Variants in ARHGAP6 observed in about 807,000 individuals in gnomAD.
The protein encoded by ARHGAP6 is Rho GTPase activating protein 6.
Under a neutral mutation model 55.7 loss-of-function variants are expected in ARHGAP6, and 16 were observed. That is an observed-to-expected ratio of 0.29 (90% CI 0.19 to 0.44). The LOEUF (loss-of-function observed/expected upper bound fraction) is 0.44. Ranked by LOEUF, ARHGAP6 falls within the 20% of genes least tolerant of loss-of-function variation. ARHGAP6 has a pLI of 1.00. For missense variants in ARHGAP6, 698 were observed against 808.9 expected, an observed-to-expected ratio of 0.86 and a Z score of 1.66; for synonymous variants, 382 against 360.9, an observed-to-expected ratio of 1.06 and a Z score of -0.66.
At chrX:11,389,876 G>C (rs2049381062) in intron 1 of ARHGAP6, among the ~76,000 whole-genome samples, 1 of 111,765 alleles carries the variant, frequency 8.9e-6, no homozygotes, top group Admixed American at 9.5e-5. Flanking sequence ...AACTTATCAT[G>C]CATCCCAGTC....
chrX:11,505,168 T>C (rs908121096), intron 1 of ARHGAP6, among the ~76,000 whole-genome samples: 1 of 110,887 alleles, frequency 9.0e-6, no homozygotes, highest in Non-Finnish European at 1.9e-5. Context: ...GAGCTCCCGT[T>C]TGGCTCTCTG....
In ARHGAP6 at chrX:11,261,250, G is replaced by A. The variant is rs754620142; in HGVS notation, c.589-6543C>T. Among the ~76,000 whole-genome samples the A allele has an allele frequency of 2.7e-4, 30 of 111,412 alleles. 1 individual carries two copies. Among genetic ancestry groups the A allele is most frequent in the African/African-American group, 8.8e-4 (27 of 30,684 alleles). ...GAAAATAAATGTGATAATAGGTGACGCGGGGAAGAGTTAATCCGTGATACC... is the reference window on the plus strand; with the variant it reads ...GAAAATAAATGTGATAATAGGTGACACGGGGAAGAGTTAATCCGTGATACC... On this transcript the variant is annotated intron_variant, in intron 1 of 12. Transcript: ENST00000337414.
At chrX:11,144,366 A>G in intron 10 of ARHGAP6, 118 bp from the exon 11 acceptor site, 1 of 983,512 alleles carries the variant, frequency 1.0e-6, no homozygotes, top group South Asian at 2.1e-5. Context: ...GGCTGAAACA[A>G]AAAGACCATT....
intron 1 of ARHGAP6, among the ~76,000 whole-genome samples, chrX:11,336,960 G>C (rs144798869): frequency 1.8e-5 from 2 of 110,827 alleles, no homozygotes; most frequent in Non-Finnish European, 3.8e-5. Context: ...GACGTACACC[G>C]GGTCAGTTTA....
chrX:11,572,141 A>G (rs2051526997), intron 1 of ARHGAP6, among the ~76,000 whole-genome samples: 1 of 111,843 alleles, frequency 8.9e-6, no homozygotes, highest in Non-Finnish European at 1.9e-5. Context: ...TTGTACTATC[A>G]GGATAATCAA....
intron 10 of ARHGAP6, among the ~76,000 whole-genome samples, chrX:11,151,287 C>G (rs2045772969): frequency 9.6e-6 from 1 of 103,662 alleles, no homozygotes; most frequent in African/African-American, 3.6e-5. Flanking sequence ...CCCCTAGAGA[C>G]AAGGTCTCAC....
chrX:11,231,384 C>G (rs1346507623), intron 2 of ARHGAP6, among the ~76,000 whole-genome samples: 1 of 112,310 alleles, frequency 8.9e-6, no homozygotes, highest in Non-Finnish European at 1.9e-5. Context: ...CAGTGATGTA[C>G]TGAACAAAAT....
intron 1 of ARHGAP6, among the ~76,000 whole-genome samples, chrX:11,463,666 C>G (rs984430982): frequency 3.6e-5 from 4 of 111,847 alleles, no homozygotes; most frequent in Non-Finnish European, 7.5e-5. Context: ...TGATTACATG[C>G]TACATTGCAC....
At chrX:11,617,110 G>A (rs1212175088) in intron 1 of ARHGAP6, among the ~76,000 whole-genome samples, 1 of 112,084 alleles carries the variant, frequency 8.9e-6, no homozygotes, top group Non-Finnish European at 1.9e-5. Flanking sequence ...TGCTGTAGGT[G>A]TAAAATACAT....
At position 11,411,183 on chromosome X, in the gene ARHGAP6, T is replaced by TTTTA. The variant is rs1196355643; in HGVS notation, c.589-156477_589-156476insTAAA. On this transcript the variant is annotated intron_variant, in intron 1 of 12. Coordinates refer to ENST00000337414, the MANE Select transcript of ARHGAP6 (RefSeq NM_013427.3). ...GGCCTGTGTCACTGGCAGACATTAT[T>TTTTA]TATATATATATATATATATATATAT... Among the ~76,000 whole-genome samples, 17 of 31,791 alleles carry TTTTA rather than the reference T, an allele frequency of 5.3e-4. 1 individual carries two copies. Among genetic ancestry groups the TTTTA allele is most frequent in the Admixed American group, 1.2e-3 (2 of 1,653 alleles). 27.6% of individuals were successfully genotyped at this position (31,791 alleles called of 115,157 possible). A position where few individuals can be genotyped will look rare whatever the true frequency, so the allele number is the denominator to read the frequency against.
chrX:11,243,083 T>C (rs1569270330), intron 2 of ARHGAP6, among the ~76,000 whole-genome samples: 1 of 110,296 alleles, frequency 9.1e-6, no homozygotes, highest in Non-Finnish European at 1.9e-5. Flanking sequence ...TTTATTGTGC[T>C]GTAGGTATGT....
chrX:11,602,850 T>C (rs2051993424), intron 1 of ARHGAP6, among the ~76,000 whole-genome samples: 1 of 112,478 alleles, frequency 8.9e-6, no homozygotes, highest in Admixed American at 9.4e-5. Flanking sequence ...GGCACTTACA[T>C]GCAAGCATTA....
intron 1 of ARHGAP6, among the ~76,000 whole-genome samples, chrX:11,547,191 T>C (rs2051220117): frequency 8.9e-6 from 1 of 112,617 alleles, no homozygotes. Context: ...GGGAAGAATG[T>C]GCTAGATTCT....
At chrX:11,322,215 C>T (rs2048441238) in intron 1 of ARHGAP6, among the ~76,000 whole-genome samples, 1 of 111,813 alleles carries the variant, frequency 8.9e-6, no homozygotes, top group Non-Finnish European at 1.9e-5. Context: ...GTGGGTGTTG[C>T]TGTCCTCTAA....
intron 4 of ARHGAP6, 74 bp from the exon 5 acceptor site, chrX:11,186,505 A>C: frequency 9.1e-6 from 7 of 765,658 alleles, no homozygotes; most frequent in Non-Finnish European, 1.3e-5. Context: ...ATGCTAACCA[A>C]TACATACTTT....
chrX:11,609,549 G>A (rs2052077903), intron 1 of ARHGAP6, among the ~76,000 whole-genome samples: 1 of 112,031 alleles, frequency 8.9e-6, no homozygotes, highest in Non-Finnish European at 1.9e-5. Context: ...AAGCCCTCAG[G>A]CAGAGTTTAA....
chrX:11,622,086 T>C (rs746814947), intron 1 of ARHGAP6, among the ~76,000 whole-genome samples: 1 of 111,867 alleles, frequency 8.9e-6, no homozygotes, highest in Non-Finnish European at 1.9e-5. Context: ...TATAAAACAT[T>C]AAGACTGTTT....
intron 1 of ARHGAP6, among the ~76,000 whole-genome samples, chrX:11,662,805 G>T (rs1168350708): frequency 8.9e-6 from 1 of 112,318 alleles, no homozygotes; most frequent in Non-Finnish European, 1.9e-5. Flanking sequence ...GCTTGCTTTT[G>T]TATTTCTCTT....
rs185299710 is a variant in ARHGAP6, at chrX:11,218,500, T to C, written c.749-21504A>G. ...ATAAAATGAGTTAGGGAGGAGTCTC[T>C]TTTTTTCTGTTGTTCGGAATAGTTT... On this transcript the variant is annotated intron_variant, in intron 2 of 12. Coordinates refer to ENST00000337414, the MANE Select transcript of ARHGAP6 (RefSeq NM_013427.3). Among the ~76,000 whole-genome samples, 4 of 111,542 alleles carry C rather than the reference T, an allele frequency of 3.6e-5. No homozygotes were observed. The Admixed American group carries it at 3.8e-4, about 11-fold the overall frequency.
Sources: gnomAD v4.1 joint callset for allele counts (sites outside exome capture counted in the v4.1 genomes callset) on GRCh38, gnomAD v4.1.1 for gene constraint, MANE v1.5 for transcripts, NCBI Gene and HGNC (gene_info 2026-07-23, HGNC 2026-07-21) for gene names.